Variants in NLGN4X observed in about 807,000 individuals in gnomAD.
NLGN4X encodes the protein neuroligin 4 X-linked, also known as neuroligin-4, X-linked.
A neutral mutation model predicts 40.3 loss-of-function variants in NLGN4X; 3 were observed. That is an observed-to-expected ratio of 0.07 (90% CI 0.03 to 0.19). The LOEUF (loss-of-function observed/expected upper bound fraction) is 0.19, where lower values mean the gene tolerates loss of function less well. Ranked by LOEUF, NLGN4X falls within the 10% of genes least tolerant of loss-of-function variation. NLGN4X has a pLI of 1.00. For missense variants in NLGN4X, 382 were observed against 708.3 expected (o/e 0.54, Z 5.23); for synonymous variants, 270 against 306.8 (o/e 0.88, Z 1.25).
intron 2 of NLGN4X, among the ~76,000 whole-genome samples, chrX:6,055,561 T>C (rs184125466): frequency 9.0e-6 from 1 of 111,306 alleles, no homozygotes; most frequent in East Asian, 2.8e-4. Context: ...GACAGGATCC[T>C]TCCTGCAAAC....
At chrX:5,901,897 CTAT>C (rs1258408591) in intron 5 of NLGN4X, among the ~76,000 whole-genome samples, 1 of 105,358 alleles carries the variant, frequency 9.5e-6, no homozygotes, top group Non-Finnish European at 1.9e-5. Flanking sequence ...TATAAATGTA[CTAT>C]ATTATACAAA....
chrX:5,939,046 T>C (rs752355079), intron 3 of NLGN4X, among the ~76,000 whole-genome samples: 5 of 109,694 alleles, frequency 4.6e-5, no homozygotes, highest in Admixed American at 9.9e-5. Context: ...AGCTCACTCA[T>C]GTGGAGACAC....
At chrX:6,070,672 A>C (rs1283918919) in intron 2 of NLGN4X, among the ~76,000 whole-genome samples, 3 of 111,976 alleles carry the variant, frequency 2.7e-5, no homozygotes. Context: ...TCTATAAATA[A>C]ATACCCGAGA....
At chrX:5,932,481 T>G (rs1399222801) in intron 3 of NLGN4X, among the ~76,000 whole-genome samples, 1 of 111,792 alleles carries the variant, frequency 8.9e-6, no homozygotes, top group East Asian at 2.8e-4. Flanking sequence ...ACGTTAAATA[T>G]AATGATTGGA....
chrX:6,160,344 T>G (rs2040357884), intron 1 of NLGN4X, among the ~76,000 whole-genome samples: 1 of 111,017 alleles, frequency 9.0e-6, no homozygotes, highest in Non-Finnish European at 1.9e-5. Context: ...GATATAAAAA[T>G]GCCACCAGAT....
At chrX:6,181,183 G>A (rs961423005) in intron 1 of NLGN4X, among the ~76,000 whole-genome samples, 1 of 111,337 alleles carries the variant, frequency 9.0e-6, no homozygotes, top group African/African-American at 3.3e-5. Flanking sequence ...TTTGACAAGT[G>A]TGTATGGATG....
chrX:5,921,286 A>G (rs2033033410), intron 3 of NLGN4X, among the ~76,000 whole-genome samples: 1 of 107,375 alleles, frequency 9.3e-6, no homozygotes, highest in Non-Finnish European at 1.9e-5. Context: ...AGTTAAAAAT[A>G]GAGATTCAAA....
rs147713383 is a variant in NLGN4X at position 5,893,291 on chromosome X, C to A, written c.1977G>T (p.Glu659Asp). 4.1e-6 allele frequency: 5 copies of A among 1,210,872 alleles called. No individual in the cohort carries two copies. Among genetic ancestry groups the A allele is most frequent in the Non-Finnish European group, 5.6e-6 (5 of 895,308 alleles). Residue 659 changes from glutamate to aspartate, a missense_variant, in exon 6 of 6, where the codon GAG becomes GAT. By Grantham distance (45) the Glu-to-Asp change is conservative (BLOSUM62 2). Around this residue, in one of 5 missense-constraint regions of NLGN4X, gnomAD observed 149 missense variants for 375.8 expected, o/e 0.40. Transcript: ENST00000381095. ...HSKDPHKTGP[E>D]DTTVLIETKR... Reference sequence around the variant, plus strand: ...TGGTTTCAATGAGGACAGTTGTGTCCTCAGGCCCTGTTTTGTGAGGGTCCT... The same window carrying A: ...TGGTTTCAATGAGGACAGTTGTGTCATCAGGCCCTGTTTTGTGAGGGTCCT...
chrX:6,096,866 G>C (rs1224111123), intron 2 of NLGN4X, among the ~76,000 whole-genome samples: 1 of 111,318 alleles, frequency 9.0e-6, no homozygotes, highest in Non-Finnish European at 1.9e-5. Context: ...GTTTGTTTCT[G>C]TATTAGATTG....
rs75350246 is a variant in NLGN4X, at chrX:5,892,988, G to A, written c.2280C>T (p.Tyr760=). The change falls in exon 6 of 6, where the codon TAC becomes TAT. Residue 760 remains tyrosine, a synonymous_variant. Coordinates refer to ENST00000381095, the MANE Select transcript of NLGN4X (RefSeq NM_181332.3). ...DTLRLTCPPD[Y]TLTLRRSPDD... is the part of the protein sequence containing the mutation. The stretch of plus-strand genomic sequence containing the variant: ...CTGGCGACCGGCGCAGCGTGAGGGT[G>A]TAGTCTGGCGGGCAGGTGAGCCTCA... The A allele has an allele frequency of 7.1e-4, 857 of 1,209,608 alleles. 4 individuals are homozygous for A. In the African/African-American group the frequency reaches 0.013, roughly 18 times the overall value.
chrX:6,175,138 T>C (rs2040697682), intron 1 of NLGN4X, among the ~76,000 whole-genome samples: 1 of 111,670 alleles, frequency 9.0e-6, no homozygotes, highest in Non-Finnish European at 1.9e-5. Flanking sequence ...CAATCCAACC[T>C]GGATATAGAG....
chrX:6,166,538 T>TCA (rs2040499639), intron 1 of NLGN4X, among the ~76,000 whole-genome samples: 1 of 112,129 alleles, frequency 8.9e-6, no homozygotes, highest in Admixed American at 9.5e-5. Context: ...AAGGGATCTG[T>TCA]CACACACACT....
rs912946806 is a variant in NLGN4X at position 6,066,592 on chromosome X, T to G, written c.473-37160A>C. 4.6e-5 allele frequency among the ~76,000 whole-genome samples: 5 copies of G among 109,403 alleles called. No homozygotes were observed. In the Admixed American group the frequency reaches 4.9e-4, roughly 11 times the overall value. On this transcript the variant is annotated intron_variant, in intron 2 of 5. Transcript: ENST00000381095. ...TGAGGTCAGGAGTTCGAGACCAGTCTGCCCAACATAGTGAAATCCTGTCTC... is the reference window on the plus strand; with the variant it reads ...TGAGGTCAGGAGTTCGAGACCAGTCGGCCCAACATAGTGAAATCCTGTCTC...
chrX:6,122,524 G>A (rs182858774), intron 2 of NLGN4X, among the ~76,000 whole-genome samples: 66 of 110,522 alleles, frequency 6.0e-4, no homozygotes, highest in Non-Finnish European at 1.1e-3. Context: ...GTGAGCCACC[G>A]CGCCAGGCAG....
chrX:6,132,923 G>T (rs1419165466), intron 2 of NLGN4X, among the ~76,000 whole-genome samples: 1 of 111,455 alleles, frequency 9.0e-6, no homozygotes, highest in Non-Finnish European at 1.9e-5. Flanking sequence ...GGCATTCATT[G>T]TGTCAAAAGC....
intron 3 of NLGN4X, among the ~76,000 whole-genome samples, chrX:5,998,975 A>C (rs749318640): frequency 8.9e-6 from 1 of 111,848 alleles, no homozygotes; most frequent in Non-Finnish European, 1.9e-5. Context: ...AAATCTGCAC[A>C]ATTTGCCCAC....
At chrX:5,933,639 T>C (rs752599406) in intron 3 of NLGN4X, among the ~76,000 whole-genome samples, 10 of 111,956 alleles carry the variant, frequency 8.9e-5, no homozygotes, top group Admixed American at 5.7e-4. Flanking sequence ...ACTATGTATT[T>C]AAATATCTAT....
At chrX:6,106,880 C>T (rs1327373818) in intron 2 of NLGN4X, among the ~76,000 whole-genome samples, 1 of 112,113 alleles carries the variant, frequency 8.9e-6, no homozygotes. Flanking sequence ...TCCAGGGAAT[C>T]CCTACAAGTG....
chrX:6,094,374 G>T (rs944466721), intron 2 of NLGN4X, among the ~76,000 whole-genome samples: 1 of 110,181 alleles, frequency 9.1e-6, no homozygotes, highest in African/African-American at 3.3e-5. Flanking sequence ...ATTTGGCAAG[G>T]TTAAAAAGCT....
Sources: allele counts gnomAD v4.1 joint callset (sites outside exome capture counted in the v4.1 genomes callset), GRCh38; gene constraint gnomAD v4.1.1; regional missense constraint gnomAD v4.1.1; transcripts MANE v1.5; gene names NCBI Gene and HGNC (gene_info 2026-07-23, HGNC 2026-07-21).